DIAPH2: variants seen among roughly 807,000 people sequenced by gnomAD.
DIAPH2 encodes the protein diaphanous related formin 2.
A neutral mutation model predicts 92.7 loss-of-function variants in DIAPH2; 35 were observed. That is an observed-to-expected ratio of 0.38 (90% confidence interval 0.29 to 0.50). DIAPH2 has a LOEUF of 0.50. DIAPH2 is among the 20% of genes least tolerant of loss of function. The pLI is 0.94. For synonymous variants in DIAPH2, 301 were observed against 280.4 expected (o/e 1.07, Z -0.73); for missense variants, 701 against 819.5 (o/e 0.86, Z 1.77).
intron 26 of DIAPH2, among the ~76,000 whole-genome samples, chrX:97,502,598 G>T (rs1158655485): frequency 8.9e-6 from 1 of 112,491 alleles, no homozygotes; most frequent in Non-Finnish European, 1.9e-5. Context: ...TGCAAGATCA[G>T]TGTATGAATC....
At chrX:97,388,757 A>G (rs1850024674) in intron 25 of DIAPH2, among the ~76,000 whole-genome samples, 1 of 111,826 alleles carries the variant, frequency 8.9e-6, no homozygotes, top group Non-Finnish European at 1.9e-5. Flanking sequence ...GTTGAAACTG[A>G]GATAATTTTA....
intron 4 of DIAPH2, among the ~76,000 whole-genome samples, chrX:96,797,059 G>A (rs933978975): frequency 1.8e-5 from 2 of 111,395 alleles, no homozygotes; most frequent in Non-Finnish European, 3.8e-5. Context: ...CCTTCATTTT[G>A]GAAAGACATT....
intron 1 of DIAPH2, among the ~76,000 whole-genome samples, chrX:96,735,361 T>C (rs1384073604): frequency 8.9e-6 from 1 of 111,784 alleles, no homozygotes; most frequent in Non-Finnish European, 1.9e-5. Flanking sequence ...AAATGTGACA[T>C]TTTTCCTATT....
intron 1 of DIAPH2, among the ~76,000 whole-genome samples, chrX:96,718,755 T>C (rs1191976141): frequency 8.9e-6 from 1 of 111,885 alleles, no homozygotes. Context: ...AGAGCAGATA[T>C]CTCTTTTAAT....
intron 4 of DIAPH2, among the ~76,000 whole-genome samples, chrX:96,878,309 GC>G (rs1193625074): frequency 9.0e-6 from 1 of 111,570 alleles, no homozygotes; most frequent in African/African-American, 3.2e-5. Context: ...AGAGACAGGA[GC>G]TATCCAAGGA....
At chrX:97,423,682 G>A (rs1320163549) in intron 25 of DIAPH2, among the ~76,000 whole-genome samples, 1 of 111,677 alleles carries the variant, frequency 9.0e-6, no homozygotes, top group Non-Finnish European at 1.9e-5. Flanking sequence ...CTTTCAAGCT[G>A]AGTAGAAAGT....
intron 22 of DIAPH2, among the ~76,000 whole-genome samples, chrX:97,152,402 A>G (rs1281411040): frequency 1.8e-5 from 2 of 111,795 alleles, no homozygotes; most frequent in Admixed American, 9.5e-5. Flanking sequence ...CCTTAACAGT[A>G]TTTTCATGTA....
chrX:97,355,457 C>G (rs757462583), intron 24 of DIAPH2, among the ~76,000 whole-genome samples: 20 of 108,538 alleles, frequency 1.8e-4, no homozygotes, highest in African/African-American at 6.4e-4. Context: ...TGTGAGAAAC[C>G]AAATATATTG....
chrX:97,172,663 T>C (rs2067462688), intron 22 of DIAPH2, among the ~76,000 whole-genome samples: 1 of 112,320 alleles, frequency 8.9e-6, no homozygotes. Context: ...CTTTACATTT[T>C]AGATAATGAA....
At chrX:97,559,467 C>T (rs773484912) in intron 26 of DIAPH2, among the ~76,000 whole-genome samples, 1 of 101,820 alleles carries the variant, frequency 9.8e-6, no homozygotes, top group Admixed American at 1.1e-4. Flanking sequence ...TCCAGCCTGG[C>T]GACTGAGTGA....
At chrX:96,898,669 T>C (rs371723234) in intron 5 of DIAPH2, among the ~76,000 whole-genome samples, 4 of 107,790 alleles carry the variant, frequency 3.7e-5, no homozygotes, top group Admixed American at 1.0e-4. Context: ...TTCTCCCATT[T>C]TGTAGGTTGC....
chrX:97,387,618 A>G (rs151236149), intron 25 of DIAPH2, among the ~76,000 whole-genome samples: 1,652 of 112,084 alleles, frequency 0.015, 26 homozygotes, highest in African/African-American at 0.05. Context: ...CTTTACCCAA[A>G]GTTCACTGAT....
chrX:96,933,341 C>CT (rs1214133278), intron 10 of DIAPH2, among the ~76,000 whole-genome samples: 2 of 91,222 alleles, frequency 2.2e-5, no homozygotes, highest in Non-Finnish European at 4.5e-5. Flanking sequence ...TCTTTTCTTT[C>CT]TTTTTTGAGA....
At chrX:96,763,659 G>T (rs765238056) in intron 4 of DIAPH2, among the ~76,000 whole-genome samples, 1 of 111,683 alleles carries the variant, frequency 9.0e-6, no homozygotes, top group Non-Finnish European at 1.9e-5. Flanking sequence ...TGGATAAATT[G>T]AAATGATTAG....
intron 21 of DIAPH2, among the ~76,000 whole-genome samples, chrX:97,125,259 G>A (rs1048334707): frequency 9.1e-6 from 1 of 109,600 alleles, no homozygotes; most frequent in Non-Finnish European, 1.9e-5. Flanking sequence ...TGGATCACGA[G>A]GTCAGGAGTT....
chrX:96,832,339 G>A (rs1220285813), intron 4 of DIAPH2, among the ~76,000 whole-genome samples: 2 of 111,645 alleles, frequency 1.8e-5, no homozygotes, highest in African/African-American at 6.5e-5. Context: ...CTTTGACAAA[G>A]TGCTATTGCA....
At chrX:97,271,746 G>T (rs1320768864) in intron 23 of DIAPH2, among the ~76,000 whole-genome samples, 1 of 107,963 alleles carries the variant, frequency 9.3e-6, no homozygotes, top group Non-Finnish European at 1.9e-5. Flanking sequence ...GTTCAGATCA[G>T]ATTTTAATCC....
chrX:97,440,567 G>T (rs371294781), intron 26 of DIAPH2, among the ~76,000 whole-genome samples: 1 of 103,061 alleles, frequency 9.7e-6, no homozygotes, highest in East Asian at 3.0e-4. Flanking sequence ...ACTCCAGCCT[G>T]GGGGACAAGA....
chrX:97,535,895 A>G (rs1320236503), intron 26 of DIAPH2, among the ~76,000 whole-genome samples: 1 of 112,540 alleles, frequency 8.9e-6, no homozygotes, highest in Non-Finnish European at 1.9e-5. Context: ...AAGAATAGGA[A>G]GTGATTAAAA....
Sources: allele counts gnomAD v4.1 joint callset (sites outside exome capture counted in the v4.1 genomes callset), GRCh38; gene constraint gnomAD v4.1.1; transcripts MANE v1.5; gene names NCBI Gene and HGNC (gene_info 2026-07-23, HGNC 2026-07-21).